The following AUTS2 variants were observed in gnomAD, a reference collection of about 807,000 sequenced individuals.
The protein encoded by AUTS2 is activator of transcription and developmental regulator AUTS2, also known as autism susceptibility gene 2 protein.
In AUTS2, 17 loss-of-function variants were observed where a neutral mutation model predicts 112.4. The observed-to-expected ratio is 0.15, with a 90% CI of 0.10 to 0.23. AUTS2 has a LOEUF of 0.23. AUTS2 is among the 10% of genes least tolerant of loss of function. The pLI, the probability that AUTS2 is intolerant of heterozygous loss-of-function variation, is 1.00. For synonymous variants in AUTS2, 751 were observed against 702.7 expected, an observed-to-expected ratio of 1.07 and a Z score of -1.09; for missense variants, 1,510 against 1,701.6, an observed-to-expected ratio of 0.89 and a Z score of 1.98.
chr7:70,729,983 A>G (rs1787277805), intron 6 of AUTS2, among the ~76,000 whole-genome samples: 1 of 152,140 alleles, frequency 6.6e-6, no homozygotes, highest in Admixed American at 6.5e-5. Flanking sequence ...CCCGGGTTGA[A>G]GTGATTCTCT....
chr7:70,620,838 G>A (rs758587884), intron 5 of AUTS2, among the ~76,000 whole-genome samples: 10 of 152,004 alleles, frequency 6.6e-5, no homozygotes, highest in Admixed American at 2.0e-4. Flanking sequence ...TTTTGTTACC[G>A]TCCCCTCTGG....
chr7:70,456,156 G>T (rs1304346581), intron 5 of AUTS2, among the ~76,000 whole-genome samples: 1 of 152,156 alleles, frequency 6.6e-6, no homozygotes, highest in Non-Finnish European at 1.5e-5. Flanking sequence ...AAGTTCAAGG[G>T]CAGACTGGCC....
At chr7:70,623,955 T>C (rs1804808646) in intron 5 of AUTS2, among the ~76,000 whole-genome samples, 1 of 152,218 alleles carries the variant, frequency 6.6e-6, no homozygotes, top group South Asian at 2.1e-4. Context: ...TCCCTCAAGA[T>C]CTGCCAAGGG....
chr7:70,689,770 C>T (rs1240471791), intron 5 of AUTS2, among the ~76,000 whole-genome samples: 2 of 116,582 alleles, frequency 1.7e-5, no homozygotes, highest in African/African-American at 6.8e-5. Context: ...AGCAAGACTC[C>T]GTCTCAAAAA....
intron 1 of AUTS2, among the ~76,000 whole-genome samples, chr7:69,788,771 A>T (rs916640347): frequency 2.7e-5 from 3 of 111,332 alleles, no homozygotes; most frequent in Admixed American, 8.1e-5. Flanking sequence ...AAGCAAAATT[A>T]AAAAAAAAAA....
intron 1 of AUTS2, among the ~76,000 whole-genome samples, chr7:69,781,901 C>G (rs879831715): frequency 6.6e-6 from 1 of 152,106 alleles, no homozygotes; most frequent in Non-Finnish European, 1.5e-5. Context: ...AGAGTAAAGC[C>G]CTAAACATGG....
chr7:70,404,875 C>T (rs1340357106), intron 4 of AUTS2, among the ~76,000 whole-genome samples: 1 of 152,088 alleles, frequency 6.6e-6, no homozygotes, highest in African/African-American at 2.4e-5. Flanking sequence ...ACTGCGTCTA[C>T]CCAGATCCAA....
chr7:69,831,230 G>A (rs1791487564), intron 1 of AUTS2, among the ~76,000 whole-genome samples: 1 of 152,108 alleles, frequency 6.6e-6, no homozygotes, highest in Admixed American at 6.5e-5. Context: ...GCTATTTAGT[G>A]CAATTAGAAT....
chr7:69,870,247 A>G (rs373388861), intron 1 of AUTS2, among the ~76,000 whole-genome samples: 16 of 151,898 alleles, frequency 1.1e-4, no homozygotes, highest in African/African-American at 3.6e-4. Context: ...TTAACATATT[A>G]GTAAGACCGG....
chr7:70,640,946 A>G (rs181548937), intron 5 of AUTS2, among the ~76,000 whole-genome samples: 2 of 152,044 alleles, frequency 1.3e-5, no homozygotes. Context: ...CCCCCGTTCC[A>G]CATGGCAGCC....
chr7:70,418,081 G>GTGTC (rs944212293), intron 4 of AUTS2, among the ~76,000 whole-genome samples: 9 of 141,448 alleles, frequency 6.4e-5, no homozygotes, highest in African/African-American at 2.4e-4. Flanking sequence ...CTTTCTGTGT[G>GTGTC]TGTGTGTGTG....
At position 70,698,617 on chromosome 7, in the gene AUTS2, A is replaced by C; in HGVS notation, c.739A>C (p.Lys247Gln). The C allele has an allele frequency of 2.5e-6, 4 of 1,606,702 alleles. No individual in the cohort carries two copies. The highest frequency in any genetic ancestry group is 3.4e-6 in the Non-Finnish European group (4 of 1,176,508). The change falls in exon 6 of 19, where the codon AAA becomes CAA. Residue 247 changes from lysine (K) to glutamine (Q), a missense_variant. Physicochemically the swap from Lys to Gln is moderately conservative, Grantham distance 53. Coordinates refer to ENST00000342771, the MANE Select transcript of AUTS2 (RefSeq NM_015570.4). ...EKLFNTVIVN[K>Q]DPELGVGTLP... ...ACTCTTCAACACTGTTATTGTAAAC[A>C]AAGGTAAGACCCATTCATTCTCCTG... is the stretch of plus-strand genomic sequence containing the variant.
intron 5 of AUTS2, among the ~76,000 whole-genome samples, chr7:70,643,305 G>A (rs1805952873): frequency 6.6e-6 from 1 of 152,240 alleles, no homozygotes; most frequent in Admixed American, 6.5e-5. Flanking sequence ...AGGCGTGGTG[G>A]CTCACGCCCG....
At chr7:70,291,870 A>T (rs1483226126) in intron 4 of AUTS2, 1 of 152,174 alleles carries the variant, frequency 6.6e-6, no homozygotes, top group Admixed American at 6.5e-5. Context: ...TTTGGTCCAG[A>T]TGGAAAGCCA....
At chr7:70,180,388 T>A (rs944238684) in intron 4 of AUTS2, among the ~76,000 whole-genome samples, 4 of 151,790 alleles carry the variant, frequency 2.6e-5, no homozygotes, top group African/African-American at 9.7e-5. Flanking sequence ...TGATGCCAAC[T>A]TTCAAGTTTT....
At chr7:69,610,092 G>A (rs574492267) in intron 1 of AUTS2, among the ~76,000 whole-genome samples, 3 of 152,326 alleles carry the variant, frequency 2.0e-5, no homozygotes, top group East Asian at 1.9e-4. Context: ...CTTTTATCAA[G>A]CATTGTTTAG....
chr7:69,608,492 A>G (rs1263316317), intron 1 of AUTS2, among the ~76,000 whole-genome samples: 1 of 152,208 alleles, frequency 6.6e-6, no homozygotes, highest in Non-Finnish European at 1.5e-5. Flanking sequence ...ATGTTGAAGT[A>G]GACTTCTTTT....
chr7:70,749,294 C>T (rs1788653166), intron 6 of AUTS2, among the ~76,000 whole-genome samples: 1 of 152,046 alleles, frequency 6.6e-6, no homozygotes, highest in African/African-American at 2.4e-5. Context: ...TTTAACCCTC[C>T]CAGCAGTGCT....
intron 4 of AUTS2, among the ~76,000 whole-genome samples, chr7:70,390,432 G>T (rs1442472259): frequency 6.6e-6 from 1 of 152,122 alleles, no homozygotes; most frequent in Non-Finnish European, 1.5e-5. Flanking sequence ...CTTGGTTTTA[G>T]TCCTGAGTCA....
Sources: gnomAD v4.1 joint callset for allele counts (sites outside exome capture counted in the v4.1 genomes callset) on GRCh38, gnomAD v4.1.1 for gene constraint, MANE v1.5 for transcripts, NCBI Gene and HGNC (gene_info 2026-07-23, HGNC 2026-07-21) for gene names.